STARD13: variants seen among roughly 807,000 people sequenced by gnomAD.
The protein encoded by STARD13 is StAR related lipid transfer domain containing 13.
STARD13 carries 62 observed loss-of-function variants against 106.4 expected under a neutral mutation model. The ratio of observed to expected loss-of-function variants is 0.58; its 90% CI spans 0.48 to 0.72. The LOEUF (loss-of-function observed/expected upper bound fraction) is 0.72, where lower values mean the gene tolerates loss of function less well. Among genes scored for constraint, STARD13 ranks in the 30% least tolerant of loss-of-function variants. The pLI is 0.00. For missense variants in STARD13, 1,387 were observed against 1,424.0 expected (o/e 0.97, Z 0.42); for synonymous variants, 565 against 553.0 (o/e 1.02, Z -0.31).
chr13:33,190,510 C>T (rs1355732447), intron 1 of STARD13, among the ~76,000 whole-genome samples: 1 of 152,152 alleles, frequency 6.6e-6, no homozygotes, highest in African/African-American at 2.4e-5. Flanking sequence ...GTTCTTAACA[C>T]CACCACCATG....
chr13:33,540,853 G>T, the STARD13 span, among the ~76,000 whole-genome samples: 11 of 152,194 alleles, frequency 7.2e-5, no homozygotes, highest in Non-Finnish European at 1.5e-4. Flanking sequence ...TAGGAGAGCT[G>T]ATCAATATGC....
chr13:33,649,647 A>G, the STARD13 span, among the ~76,000 whole-genome samples: 1,954 of 152,258 alleles, frequency 0.013, 48 homozygotes, highest in African/African-American at 0.044. Flanking sequence ...ATCTCCATCC[A>G]TTACCTTTCC....
chr13:33,280,728 A>G (rs1468402983), intron 1 of STARD13: 1 of 152,224 alleles, frequency 6.6e-6, no homozygotes, highest in Non-Finnish European at 1.5e-5. Flanking sequence ...ATGCTGAATG[A>G]CATAATAAGA....
At chr13:33,422,733 G>A in the STARD13 span, among the ~76,000 whole-genome samples, 1 of 152,140 alleles carries the variant, frequency 6.6e-6, no homozygotes, top group Non-Finnish European at 1.5e-5. Flanking sequence ...CATGGTACTG[G>A]TACCAAAACA....
At chr13:33,233,062 G>T (rs1889004008) in intron 1 of STARD13, among the ~76,000 whole-genome samples, 1 of 152,200 alleles carries the variant, frequency 6.6e-6, no homozygotes, top group African/African-American at 2.4e-5. Context: ...AACATATCAA[G>T]CACTGCTCAA....
chr13:33,357,603 G>T, the STARD13 span, among the ~76,000 whole-genome samples: 3 of 152,174 alleles, frequency 2.0e-5, no homozygotes, highest in Non-Finnish European at 2.9e-5. Flanking sequence ...ATTCAGAAAA[G>T]TTATATGATT....
At chr13:33,127,583 A>T (rs1447521688) in intron 5 of STARD13, 37 bp from the exon 6 acceptor site, 9 of 1,508,210 alleles carry the variant, frequency 6.0e-6, no homozygotes, top group Non-Finnish European at 7.9e-6. Flanking sequence ...CCAGTCACAA[A>T]GTGGACTTGG....
the STARD13 span, among the ~76,000 whole-genome samples, chr13:33,648,715 C>A: frequency 5.3e-5 from 8 of 151,072 alleles, no homozygotes; most frequent in Non-Finnish European, 1.2e-4. Flanking sequence ...CAAATCACAG[C>A]TACTTACCAA....
intron 10 of STARD13, 43 bp downstream of exon 10, chr13:33,111,735 C>T: frequency 2.5e-6 from 3 of 1,210,346 alleles, no homozygotes; most frequent in Non-Finnish European, 3.7e-6. Context: ...TTATCTAGTT[C>T]CAAGAGCTAC....
intron 1 of STARD13, among the ~76,000 whole-genome samples, chr13:33,296,628 T>C (rs950536779): frequency 2.0e-5 from 3 of 152,010 alleles, no homozygotes; most frequent in Non-Finnish European, 4.4e-5. Context: ...TGAGTTCAAC[T>C]TTTTTTTGAG....
chr13:33,581,194 C>G, the STARD13 span, among the ~76,000 whole-genome samples: 1 of 152,106 alleles, frequency 6.6e-6, no homozygotes, highest in African/African-American at 2.4e-5. Context: ...ATTTATCAAT[C>G]CTTTATTAGA....
At chr13:33,157,567 G>C (rs1463773000) in intron 3 of STARD13, among the ~76,000 whole-genome samples, 1 of 152,184 alleles carries the variant, frequency 6.6e-6, no homozygotes, top group African/African-American at 2.4e-5. Flanking sequence ...ATAGTTGGGA[G>C]GCTGAGGCAG....
At chr13:33,489,941 G>GA in the STARD13 span, among the ~76,000 whole-genome samples, 1 of 151,974 alleles carries the variant, frequency 6.6e-6, no homozygotes, top group Non-Finnish European at 1.5e-5. Flanking sequence ...TTGCTGAAAG[G>GA]AAAAAAATCA....
the STARD13 span, among the ~76,000 whole-genome samples, chr13:33,481,701 A>G: frequency 1.3e-5 from 2 of 152,336 alleles, no homozygotes; most frequent in Middle Eastern, 3.4e-3. Flanking sequence ...TTAGAGCCAT[A>G]TAACTAATTT....
At chr13:33,363,915 C>T in the STARD13 span, among the ~76,000 whole-genome samples, 11 of 152,200 alleles carry the variant, frequency 7.2e-5, no homozygotes, top group African/African-American at 2.6e-4. Context: ...GTTACCCTTC[C>T]AAATGTTGAA....
intron 1 of STARD13, among the ~76,000 whole-genome samples, chr13:33,316,239 A>G (rs1594253987): frequency 6.6e-6 from 1 of 151,976 alleles, no homozygotes; most frequent in Non-Finnish European, 1.5e-5. Context: ...GGTTTCCTCT[A>G]TCAGAAATAT....
At chr13:33,458,135 A>G in the STARD13 span, among the ~76,000 whole-genome samples, 1 of 144,068 alleles carries the variant, frequency 6.9e-6, no homozygotes, top group Non-Finnish European at 1.5e-5. Context: ...TAATTATATA[A>G]AAACAAAACT....
chr13:33,553,583 CT>C, the STARD13 span, among the ~76,000 whole-genome samples: 34,006 of 140,136 alleles, frequency 0.24, 4,882 homozygotes, highest in Non-Finnish European at 0.34. Flanking sequence ...AAACTAAGCA[CT>C]TTTTTTTTTT....
At chr13:33,400,709 C>A in the STARD13 span, among the ~76,000 whole-genome samples, 1 of 152,110 alleles carries the variant, frequency 6.6e-6, no homozygotes, top group Non-Finnish European at 1.5e-5. Context: ...GTGATCCGCC[C>A]GCCTTGGCCT....
Sources: gnomAD v4.1 joint callset for allele counts (sites outside exome capture counted in the v4.1 genomes callset) on GRCh38, gnomAD v4.1.1 for gene constraint, MANE v1.5 for transcripts, NCBI Gene and HGNC (gene_info 2026-07-23, HGNC 2026-07-21) for gene names.